Variants in TECPR2 observed in about 807,000 individuals in gnomAD.
TECPR2 encodes the protein tectonin beta-propeller repeat containing 2, also known as tectonin beta-propeller repeat-containing protein 2.
In TECPR2, 65 loss-of-function variants were observed where a neutral mutation model predicts 138.1. That is an observed-to-expected ratio of 0.47 (90% CI 0.39 to 0.58). The LOEUF (loss-of-function observed/expected upper bound fraction) is 0.58. Among genes scored for constraint, TECPR2 ranks in the 20% least tolerant of loss-of-function variants. TECPR2 has a pLI of 0.00. For synonymous variants in TECPR2, 746 were observed against 749.8 expected (o/e 0.99, Z 0.08); for missense variants, 1,553 against 1,824.5 (o/e 0.85, Z 2.71).
At chr14:102,463,567 C>G (rs1890472500) in intron 16 of TECPR2, among the ~76,000 whole-genome samples, 1 of 151,662 alleles carries the variant, frequency 6.6e-6, no homozygotes, top group Non-Finnish European at 1.5e-5. Flanking sequence ...CAGCAGTTAC[C>G]TCAGGGTAGA....
At chr14:102,429,586 G>T (rs1889413525) in intron 7 of TECPR2, among the ~76,000 whole-genome samples, 1 of 152,136 alleles carries the variant, frequency 6.6e-6, no homozygotes, top group African/African-American at 2.4e-5. Flanking sequence ...GTTCCTCATG[G>T]TGGCAACAAC....
chr14:102,489,396 G>A (rs936231141), intron 17 of TECPR2, among the ~76,000 whole-genome samples: 2 of 151,116 alleles, frequency 1.3e-5, no homozygotes, highest in East Asian at 3.9e-4. Context: ...AGGTGGGTGG[G>A]TCACAAGGTC....
intron 5 of TECPR2, among the ~76,000 whole-genome samples, chr14:102,417,309 G>A (rs1395295748): frequency 6.6e-6 from 1 of 152,226 alleles, no homozygotes; most frequent in Non-Finnish European, 1.5e-5. Context: ...TGGAAGCAGT[G>A]CTTCCCTCAC....
At chr14:102,462,720 A>C (rs1004125953) in intron 16 of TECPR2, among the ~76,000 whole-genome samples, 1 of 152,246 alleles carries the variant, frequency 6.6e-6, no homozygotes, top group Non-Finnish European at 1.5e-5. Context: ...GAAAGTCAAA[A>C]TAACCCATCA....
chr14:102,439,750 C>T (rs905821112), intron 10 of TECPR2, among the ~76,000 whole-genome samples: 4 of 152,242 alleles, frequency 2.6e-5, no homozygotes, highest in Non-Finnish European at 5.9e-5. Flanking sequence ...CAGAGATGCT[C>T]GACAGGCCCT....
intron 2 of TECPR2, among the ~76,000 whole-genome samples, chr14:102,387,338 G>A (rs192082262): frequency 2.0e-5 from 3 of 152,260 alleles, no homozygotes; most frequent in Non-Finnish European, 4.4e-5. Flanking sequence ...AGAAAATGTT[G>A]CAAGGAGCTA....
At chr14:102,400,957 C>T (rs534356478) in intron 2 of TECPR2, among the ~76,000 whole-genome samples, 12 of 151,922 alleles carry the variant, frequency 7.9e-5, no homozygotes, top group Non-Finnish European at 1.8e-4. Flanking sequence ...TGGTTGAACC[C>T]AGGAGACAGA....
chr14:102,470,339 G>A (rs570428753), intron 17 of TECPR2, among the ~76,000 whole-genome samples: 30 of 147,056 alleles, frequency 2.0e-4, no homozygotes, highest in Admixed American at 4.8e-4. Flanking sequence ...ATGGAGTCTC[G>A]CTCTGTCACC....
At position 102,450,588 on chromosome 14, in the gene TECPR2, T is replaced by C; in HGVS notation, c.3345T>C (p.Arg1115=). Residue 1115 remains arginine, a synonymous_variant, in exon 15 of 20, where the codon CGT becomes CGC. Coordinates refer to ENST00000359520, the MANE Select transcript of TECPR2 (RefSeq NM_014844.5). Reference sequence around the variant, plus strand: ...CCTACTGGAATCATGTGGTTCCCCGTGGGACAGCTTCTGCTACAAAATGGG... The same window carrying C: ...CCTACTGGAATCATGTGGTTCCCCGCGGGACAGCTTCTGCTACAAAATGGG... The part of the protein sequence containing the change: ...IGTYWNHVVP[R]GTASATKWAF... 6.2e-7 allele frequency: 1 copy of C among 1,614,244 alleles called. No homozygotes were observed. The highest frequency in any genetic ancestry group is 8.5e-7 in the Non-Finnish European group (1 of 1,180,042).
At chr14:102,436,980 C>G (rs1889686302) in intron 9 of TECPR2, 2 of 985,188 alleles carry the variant, frequency 2.0e-6, no homozygotes, top group Non-Finnish European at 2.4e-6. Flanking sequence ...GGATCCTGGC[C>G]CTTTGAGCCC....
In TECPR2 at chr14:102,425,012, A is replaced by G. The variant is rs138689342; in HGVS notation, c.672A>G (p.Gly224=). The G allele has an allele frequency of 3.2e-5, 52 of 1,613,198 alleles. No individual in the cohort carries two copies. The African/African-American group carries it at 6.3e-4, about 20-fold the overall frequency. The change falls in exon 6 of 20, where the codon GGA becomes GGG. Residue 224 remains glycine, a synonymous_variant. Transcript: ENST00000359520. ...AATTTGGTGCTTGTTTTATACCAGG[A>G]CTCTGTAAGCAAAGTGATCTAACCT... ...TGKFGACFIP[G]LCKQSDLTLY... is the part of the protein sequence containing the mutation.
At chr14:102,469,606 G>T (rs1890617962) in intron 17 of TECPR2, among the ~76,000 whole-genome samples, 1 of 152,132 alleles carries the variant, frequency 6.6e-6, no homozygotes, top group Non-Finnish European at 1.5e-5. Flanking sequence ...GTAAAATGTT[G>T]AGTAGAAGTG....
intron 17 of TECPR2, among the ~76,000 whole-genome samples, chr14:102,486,928 A>G (rs1891040125): frequency 6.6e-6 from 1 of 152,202 alleles, no homozygotes; most frequent in Non-Finnish European, 1.5e-5. Context: ...AGAACTAGAA[A>G]GACCAAACAG....
At chr14:102,460,286 T>C (rs1372943778) in intron 16 of TECPR2, among the ~76,000 whole-genome samples, 1 of 151,954 alleles carries the variant, frequency 6.6e-6, no homozygotes, top group Non-Finnish European at 1.5e-5. Context: ...AATGAGACTC[T>C]GTCTCAAAAA....
intron 16 of TECPR2, among the ~76,000 whole-genome samples, chr14:102,457,847 TC>T (rs1255058613): frequency 6.8e-6 from 1 of 147,234 alleles, no homozygotes; most frequent in East Asian, 2.0e-4. Context: ...CTAACTTCGC[TC>T]CTCTGCTCCC....
chr14:102,385,609 T>C (rs1299695622), intron 2 of TECPR2, among the ~76,000 whole-genome samples: 2 of 151,934 alleles, frequency 1.3e-5, no homozygotes. Flanking sequence ...TCCAGCACCA[T>C]AGAAGGGGAC....
intron 17 of TECPR2, among the ~76,000 whole-genome samples, chr14:102,467,898 G>T (rs1432283210): frequency 3.4e-5 from 5 of 145,074 alleles, no homozygotes; most frequent in African/African-American, 5.1e-5. Flanking sequence ...GTGCAGTGGC[G>T]CAATCTCTGC....
chr14:102,369,016 C>G (rs1159282959), intron 1 of TECPR2, among the ~76,000 whole-genome samples: 1 of 152,146 alleles, frequency 6.6e-6, no homozygotes. Flanking sequence ...TTTCTAATAC[C>G]TGCTGGAGCC....
chr14:102,370,548 T>C (rs1408441953), intron 1 of TECPR2, among the ~76,000 whole-genome samples: 1 of 152,142 alleles, frequency 6.6e-6, no homozygotes, highest in Non-Finnish European at 1.5e-5. Context: ...CCTGTTGTAA[T>C]TAGAAGCAAT....
Sources: allele counts gnomAD v4.1 joint callset (sites outside exome capture counted in the v4.1 genomes callset), GRCh38; gene constraint gnomAD v4.1.1; transcripts MANE v1.5; gene names NCBI Gene and HGNC (gene_info 2026-07-23, HGNC 2026-07-21).